The following CNTNAP2 variants were observed in gnomAD, a reference collection of about 807,000 sequenced individuals.
The protein encoded by CNTNAP2 is contactin-associated protein-like 2.
CNTNAP2 carries 98 observed loss-of-function variants against 155.2 expected under a neutral mutation model. That is an observed-to-expected ratio of 0.63 (90% CI 0.54 to 0.75). CNTNAP2 has a LOEUF of 0.75. CNTNAP2 is among the 30% of genes least tolerant of loss of function. The pLI, the probability that CNTNAP2 is intolerant of heterozygous loss-of-function variation, is 0.00. For missense variants in CNTNAP2, 1,727 were observed against 1,688.1 expected (o/e 1.02, Z -0.40); for synonymous variants, 651 against 631.2 (o/e 1.03, Z -0.47).
intron 13 of CNTNAP2, among the ~76,000 whole-genome samples, chr7:147,815,982 A>T (rs560470688): frequency 6.6e-6 from 1 of 152,016 alleles, no homozygotes; most frequent in East Asian, 1.9e-4. Flanking sequence ...ATATTCTCAG[A>T]CTCTGGCTGC....
intron 18 of CNTNAP2, among the ~76,000 whole-genome samples, chr7:148,191,025 A>C (rs1322194197): frequency 6.6e-6 from 1 of 152,248 alleles, no homozygotes; most frequent in Admixed American, 6.5e-5. Context: ...GAAGAGCTCC[A>C]TGGGGACTAT....
chr7:148,287,726 C>CA lies in CNTNAP2; in HGVS notation c.3475+20601dup, dbSNP rs1318289062. ...TGCTGTGTCATGGCATGGTGGAGGGCATCACATGGTGAGAAGGCAAGACCA... is the reference window on the plus strand; with the variant it reads ...TGCTGTGTCATGGCATGGTGGAGGGCAATCACATGGTGAGAAGGCAAGACCA... On this transcript the variant is annotated intron_variant, in intron 21 of 23. Coordinates refer to ENST00000361727, the MANE Select transcript of CNTNAP2 (RefSeq NM_014141.6). Among the ~76,000 whole-genome samples, 7 of 151,842 alleles carry CA rather than the reference C, an allele frequency of 4.6e-5. No homozygotes were observed. The East Asian group carries it at 1.4e-3, about 29-fold the overall frequency.
intron 11 of CNTNAP2, among the ~76,000 whole-genome samples, chr7:147,551,656 T>C (rs912137082): frequency 6.6e-6 from 1 of 152,184 alleles, no homozygotes; most frequent in African/African-American, 2.4e-5. Flanking sequence ...ATCCTGAACC[T>C]AAATCAGATG....
chr7:146,232,009 T>C (rs570280882), intron 1 of CNTNAP2, among the ~76,000 whole-genome samples: 2 of 152,288 alleles, frequency 1.3e-5, no homozygotes, highest in Non-Finnish European at 1.5e-5. Flanking sequence ...GTTATTCTGT[T>C]CTGTTTTCTA....
In CNTNAP2 at chr7:146,743,151, T is replaced by C. The variant is rs116098144; in HGVS notation, c.98-31120T>C. ...ATACATCAATCAGTATGCTATCCAC[T>C]CTGACATAGTGAAATTGATTAGTAA... On this transcript the variant is annotated intron_variant, in intron 1 of 23. Coordinates refer to ENST00000361727, the MANE Select transcript of CNTNAP2 (RefSeq NM_014141.6). Among the ~76,000 whole-genome samples, 673 of 152,294 alleles carry C rather than the reference T, an allele frequency of 4.4e-3. 4 individuals carry two copies. Among genetic ancestry groups the C allele is most frequent in the African/African-American group, 0.015 (633 of 41,574 alleles).
At chr7:147,813,522 G>A (rs1798214848) in intron 13 of CNTNAP2, among the ~76,000 whole-genome samples, 1 of 152,100 alleles carries the variant, frequency 6.6e-6, no homozygotes, top group South Asian at 2.1e-4. Context: ...GTTACCTTCT[G>A]GGCAGAAACA....
intron 3 of CNTNAP2, among the ~76,000 whole-genome samples, chr7:146,844,802 A>G (rs997593491): frequency 1.3e-5 from 2 of 152,176 alleles, no homozygotes; most frequent in Non-Finnish European, 2.9e-5. Context: ...CTAATCATGA[A>G]AACATGCTTG....
At chr7:146,770,787 T>C (rs1226239549) in intron 1 of CNTNAP2, among the ~76,000 whole-genome samples, 2 of 152,172 alleles carry the variant, frequency 1.3e-5, no homozygotes, top group African/African-American at 4.8e-5. Flanking sequence ...ATTATGGTTT[T>C]ATAAATGCTA....
rs777287153 is a variant in CNTNAP2 at position 147,261,289 on chromosome 7, T to C, written c.1349-38852T>C. On this transcript the variant is annotated intron_variant, in intron 8 of 23. Transcript: ENST00000361727. Reference sequence around the variant, plus strand: ...TTAAAGGTTCCTTGGGTGATTCCAATGTGCAGCTACATTTTGGGACTACTT... The same window carrying C: ...TTAAAGGTTCCTTGGGTGATTCCAACGTGCAGCTACATTTTGGGACTACTT... Among the ~76,000 whole-genome samples the C allele has an allele frequency of 9.2e-5, 14 of 152,188 alleles. 1 individual carries two copies. Among genetic ancestry groups the C allele is most frequent in the Non-Finnish European group, 2.1e-4 (14 of 68,036 alleles).
chr7:147,989,142 G>A (rs1801669762), intron 15 of CNTNAP2, among the ~76,000 whole-genome samples: 1 of 152,180 alleles, frequency 6.6e-6, no homozygotes, highest in Admixed American at 6.5e-5. Context: ...TTGTTAAAAT[G>A]CAGATTCTGA....
intron 10 of CNTNAP2, among the ~76,000 whole-genome samples, chr7:147,408,670 A>C (rs1309733884): frequency 6.6e-6 from 1 of 152,186 alleles, no homozygotes; most frequent in Non-Finnish European, 1.5e-5. Context: ...AGGCAGGAGA[A>C]TGGTGTGAAC....
chr7:146,540,084 T>C (rs1044273227), intron 1 of CNTNAP2, among the ~76,000 whole-genome samples: 2 of 151,992 alleles, frequency 1.3e-5, no homozygotes, highest in Non-Finnish European at 2.9e-5. Context: ...GTTTAGAACT[T>C]AATAGCTTTG....
At chr7:146,404,877 T>TTCCC (rs1396852920) in intron 1 of CNTNAP2, among the ~76,000 whole-genome samples, 1 of 152,152 alleles carries the variant, frequency 6.6e-6, no homozygotes, top group Admixed American at 6.6e-5. Flanking sequence ...TTGAGCAGTC[T>TTCCC]TCCCCTCCGT....
intron 13 of CNTNAP2, among the ~76,000 whole-genome samples, chr7:147,682,669 A>C (rs1795964703): frequency 6.6e-6 from 1 of 151,736 alleles, no homozygotes; most frequent in Non-Finnish European, 1.5e-5. Flanking sequence ...CATCACACCC[A>C]AGCACACGTT....
chr7:146,891,473 A>T (rs1203238817), intron 3 of CNTNAP2, among the ~76,000 whole-genome samples: 3 of 152,248 alleles, frequency 2.0e-5, no homozygotes, highest in African/African-American at 7.2e-5. Flanking sequence ...TTAGCTGAAA[A>T]TATGTAATGT....
At chr7:146,272,070 G>T (rs1262434128) in intron 1 of CNTNAP2, among the ~76,000 whole-genome samples, 1 of 151,984 alleles carries the variant, frequency 6.6e-6, no homozygotes, top group Non-Finnish European at 1.5e-5. Context: ...TGCTAATAAG[G>T]CCATACCCAA....
At chr7:147,979,783 C>T (rs768354296) in intron 15 of CNTNAP2, among the ~76,000 whole-genome samples, 1 of 151,948 alleles carries the variant, frequency 6.6e-6, no homozygotes, top group Admixed American at 6.6e-5. Context: ...CCACCATGCC[C>T]GACTGATTTT....
intron 10 of CNTNAP2, among the ~76,000 whole-genome samples, chr7:147,399,928 G>A (rs1796883644): frequency 6.6e-6 from 1 of 152,144 alleles, no homozygotes; most frequent in Non-Finnish European, 1.5e-5. Flanking sequence ...GAGGAGGATT[G>A]TCATCAACCT....
chr7:146,793,970 A>G (rs1402207451), intron 2 of CNTNAP2, among the ~76,000 whole-genome samples: 1 of 152,158 alleles, frequency 6.6e-6, no homozygotes, highest in Admixed American at 6.5e-5. Flanking sequence ...TCTTGAGATT[A>G]TGTTGGGGTA....
Sources: allele counts gnomAD v4.1 joint callset (sites outside exome capture counted in the v4.1 genomes callset), GRCh38; gene constraint gnomAD v4.1.1; transcripts MANE v1.5; gene names NCBI Gene and HGNC (gene_info 2026-07-23, HGNC 2026-07-21).